CADM2: variants seen among roughly 807,000 people sequenced by gnomAD.
The protein encoded by CADM2 is cell adhesion molecule 2.
A neutral mutation model predicts 49.8 loss-of-function variants in CADM2; 12 were observed. That is an observed-to-expected ratio of 0.24 (90% CI 0.15 to 0.39). The LOEUF (loss-of-function observed/expected upper bound fraction) is 0.39, where lower values mean the gene tolerates loss of function less well. CADM2 is among the 10% of genes least tolerant of loss of function. CADM2 has a pLI of 1.00. For synonymous variants in CADM2, 214 were observed against 175.4 expected (o/e 1.22, Z -1.74); for missense variants, 378 against 492.3 (o/e 0.77, Z 2.20).
At chr3:85,911,052 A>C (rs1018109705) in intron 5 of CADM2, among the ~76,000 whole-genome samples, 4 of 152,108 alleles carry the variant, frequency 2.6e-5, no homozygotes, top group African/African-American at 9.7e-5. Flanking sequence ...TTTTAAAATA[A>C]ATTACTTAAT....
At chr3:85,318,531 ATAAAAGATAGAT>A (rs1276084275) in intron 1 of CADM2, among the ~76,000 whole-genome samples, 2 of 152,212 alleles carry the variant, frequency 1.3e-5, no homozygotes, top group Admixed American at 1.3e-4. Flanking sequence ...GCAACCAAAT[ATAAAAGATAGAT>A]TACCTACAAA....
intron 1 of CADM2, among the ~76,000 whole-genome samples, chr3:85,006,143 T>C (rs938966662): frequency 2.6e-5 from 4 of 152,092 alleles, no homozygotes; most frequent in African/African-American, 2.4e-5. Context: ...CAGATCAACA[T>C]TGCATGCAGC....
rs1739785165 is a variant in CADM2, at chr3:86,070,638, A to AT, written c.*3855_*3856insT. The AT allele has an allele frequency of 6.6e-6, 1 of 151,530 alleles. No individual in the cohort carries two copies. Among genetic ancestry groups the AT allele is most frequent in the South Asian group, 2.1e-4 (1 of 4,822 alleles). 9.4% of individuals were successfully genotyped at this position (151,530 alleles called of 1,614,324 possible). On this transcript the variant is annotated 3_prime_UTR_variant, in exon 10 of 10. Transcript: ENST00000383699. ...TTCTGATAAAACAATACAAAACAAA[A>AT]AAAAAGCAGTAATCACAGCCAAATA... is the stretch of plus-strand genomic sequence containing the variant.
intron 1 of CADM2, among the ~76,000 whole-genome samples, chr3:85,226,250 A>ATTT (rs149057525): frequency 0.051 from 7,417 of 145,528 alleles, 617 homozygotes; most frequent in African/African-American, 0.18. Flanking sequence ...CTGGTCCTGG[A>ATTT]TTTTTTTTTT....
At chr3:85,458,504 G>A (rs1347802227) in intron 1 of CADM2, among the ~76,000 whole-genome samples, 3 of 152,178 alleles carry the variant, frequency 2.0e-5, no homozygotes, top group Non-Finnish European at 4.4e-5. Flanking sequence ...GAGTTGAAAA[G>A]TAGAGAATTA....
At chr3:85,644,555 C>T (rs1158270802) in intron 1 of CADM2, among the ~76,000 whole-genome samples, 1 of 152,090 alleles carries the variant, frequency 6.6e-6, no homozygotes, top group East Asian at 1.9e-4. Context: ...AGCTGCAGGG[C>T]AGTGAGAGGT....
intron 1 of CADM2, among the ~76,000 whole-genome samples, chr3:85,239,178 A>T (rs908473447): frequency 1.3e-5 from 2 of 151,720 alleles, no homozygotes; most frequent in East Asian, 1.9e-4. Flanking sequence ...TGGAGGAGGA[A>T]TTTTTTTTCT....
At chr3:85,809,771 T>C (rs1215722844) in intron 3 of CADM2, among the ~76,000 whole-genome samples, 4 of 63,778 alleles carry the variant, frequency 6.3e-5, no homozygotes, top group Admixed American at 2.0e-4. Flanking sequence ...TCCCTCTCTC[T>C]CTCTCTCTCT....
At chr3:85,261,426 G>A (rs963565392) in intron 1 of CADM2, among the ~76,000 whole-genome samples, 4 of 152,106 alleles carry the variant, frequency 2.6e-5, no homozygotes, top group African/African-American at 7.2e-5. Flanking sequence ...GAGCCACAGC[G>A]CCTGGCCTCT....
chr3:85,269,584 A>G (rs1363548216), intron 1 of CADM2, among the ~76,000 whole-genome samples: 1 of 151,296 alleles, frequency 6.6e-6, no homozygotes, highest in Non-Finnish European at 1.5e-5. Flanking sequence ...ATAAACAGAT[A>G]TTTGTTTTGT....
At chr3:85,226,181 C>T (rs116568427) in intron 1 of CADM2, among the ~76,000 whole-genome samples, 10,096 of 151,444 alleles carry the variant, frequency 0.067, 1,082 homozygotes, top group African/African-American at 0.23. Context: ...GGAATAGTTT[C>T]GGAAGAAATG....
At chr3:85,722,575 G>A (rs2107771411) in intron 1 of CADM2, among the ~76,000 whole-genome samples, 1 of 152,242 alleles carries the variant, frequency 6.6e-6, no homozygotes, top group South Asian at 2.1e-4. Flanking sequence ...TTTACAAAAT[G>A]TTTCCTTGAC....
chr3:84,983,421 A>T (rs1371301708), intron 1 of CADM2, among the ~76,000 whole-genome samples: 1 of 151,578 alleles, frequency 6.6e-6, no homozygotes, highest in Non-Finnish European at 1.5e-5. Context: ...TTGGAATTTG[A>T]CTATTATGCC....
chr3:85,553,962 G>A (rs1455144537), intron 1 of CADM2, among the ~76,000 whole-genome samples: 1 of 152,096 alleles, frequency 6.6e-6, no homozygotes, highest in African/African-American at 2.4e-5. Context: ...GCATATGTTG[G>A]AATAAAAATC....
intron 3 of CADM2, among the ~76,000 whole-genome samples, chr3:85,842,276 G>A (rs1458185436): frequency 6.6e-6 from 1 of 152,066 alleles, no homozygotes; most frequent in African/African-American, 2.4e-5. Flanking sequence ...ATCCACTGTG[G>A]CTTCCCAAAT....
chr3:85,009,935 G>A (rs1198317237), intron 1 of CADM2, among the ~76,000 whole-genome samples: 1 of 151,160 alleles, frequency 6.6e-6, no homozygotes, highest in Non-Finnish European at 1.5e-5. Context: ...AAAATTTGTT[G>A]TAAGCTAAAT....
At chr3:85,949,452 G>A (rs1272482694) in intron 7 of CADM2, among the ~76,000 whole-genome samples, 1 of 151,152 alleles carries the variant, frequency 6.6e-6, no homozygotes, top group African/African-American at 2.4e-5. Context: ...TTAAGTCTTA[G>A]TTCCTGTGAA....
chr3:85,798,260 T>A (rs1402239612), intron 2 of CADM2, among the ~76,000 whole-genome samples: 1 of 152,128 alleles, frequency 6.6e-6, no homozygotes, highest in Middle Eastern at 3.2e-3. Flanking sequence ...TGTGTAGAAG[T>A]TCTTTAGTTT....
At chr3:85,744,339 T>C (rs1473592181) in intron 2 of CADM2, among the ~76,000 whole-genome samples, 2 of 152,162 alleles carry the variant, frequency 1.3e-5, no homozygotes, top group Non-Finnish European at 2.9e-5. Context: ...AATTTAATTG[T>C]ACATTTTTAA....
Sources: allele counts gnomAD v4.1 joint callset (sites outside exome capture counted in the v4.1 genomes callset), GRCh38; gene constraint gnomAD v4.1.1; transcripts MANE v1.5; gene names NCBI Gene and HGNC (gene_info 2026-07-23, HGNC 2026-07-21).